RANBP3L: variants seen among roughly 807,000 people sequenced by gnomAD.
RANBP3L encodes ran-binding protein 3-like.
A neutral mutation model predicts 67.2 loss-of-function variants in RANBP3L; 56 were observed. The observed-to-expected ratio is 0.83, with a 90% CI of 0.67 to 1.04. The LOEUF (loss-of-function observed/expected upper bound fraction) is 1.04, where lower values mean the gene tolerates loss of function less well. Ranked by LOEUF, RANBP3L falls within the 50% of genes least tolerant of loss-of-function variation. The probability of loss-of-function intolerance (pLI) is 0.00; values close to 1 mark genes in which losing one functional copy is unlikely to be tolerated. For synonymous variants in RANBP3L, 164 were observed against 181.4 expected, an observed-to-expected ratio of 0.90 and a Z score of 0.77; for missense variants, 496 against 535.5, an observed-to-expected ratio of 0.93 and a Z score of 0.73.
intron 4 of RANBP3L, among the ~76,000 whole-genome samples, chr5:36,267,695 G>A (rs1419071135): frequency 6.6e-6 from 1 of 152,084 alleles, no homozygotes; most frequent in Non-Finnish European, 1.5e-5. Flanking sequence ...TGGAGAAAAT[G>A]CCAACCATTT....
chr5:36,299,234 C>T (rs1329465703), intron 1 of RANBP3L, among the ~76,000 whole-genome samples: 11 of 151,874 alleles, frequency 7.2e-5, no homozygotes, highest in Non-Finnish European at 1.3e-4. Flanking sequence ...TATTGTGGGA[C>T]CTTGTGACTG....
intron 1 of RANBP3L, among the ~76,000 whole-genome samples, chr5:36,298,067 G>A (rs1752352949): frequency 6.6e-6 from 1 of 151,950 alleles, no homozygotes; most frequent in Admixed American, 6.6e-5. Flanking sequence ...TTGGGAGGCC[G>A]AGGTGGGAAG....
intron 8 of RANBP3L, among the ~76,000 whole-genome samples, chr5:36,260,028 T>G (rs6875525): frequency 0.046 from 7,071 of 152,142 alleles, 545 homozygotes; most frequent in African/African-American, 0.16. Flanking sequence ...GTTATAATAA[T>G]GCTTTTTGAT....
At chr5:36,251,218 C>A (rs1748565402) in intron 13 of RANBP3L, 95 bp downstream of exon 13, 1 of 995,820 alleles carries the variant, frequency 1.0e-6, no homozygotes, top group Non-Finnish European at 1.4e-6. Flanking sequence ...TTAAACAGAG[C>A]AGTTCCACTT....
intron 1 of RANBP3L, among the ~76,000 whole-genome samples, chr5:36,293,775 T>A (rs1751982539): frequency 6.7e-6 from 1 of 148,552 alleles, no homozygotes; most frequent in East Asian, 1.9e-4. Context: ...TGGATAAGCT[T>A]TTTGATATGC....
chr5:36,299,330 C>CGTATATCTGT (rs1561152882), intron 1 of RANBP3L, among the ~76,000 whole-genome samples: 1 of 131,396 alleles, frequency 7.6e-6, no homozygotes, highest in East Asian at 2.3e-4. Context: ...TATACACATA[C>CGTATATCTGT]ATATATGTGT....
chr5:36,266,603 G>A (rs1295180), intron 4 of RANBP3L, among the ~76,000 whole-genome samples: 1 of 152,104 alleles, frequency 6.6e-6, no homozygotes, highest in East Asian at 1.9e-4. Flanking sequence ...AAAACAGAAT[G>A]ATAATCTTTC....
chr5:36,257,452 A>T lies in RANBP3L; in HGVS notation c.772+2T>A. The T allele has an allele frequency of 7.0e-7, 1 of 1,431,512 alleles. No individual in the cohort carries two copies. 88.7% of individuals were successfully genotyped at this position (1,431,512 alleles called of 1,614,324 possible). Reference sequence around the variant, plus strand: ...ATGTTTTACAAATGAAAGAATTCTTACTTGAACTTAAAAAGTTGACAGGAA... The same window carrying T: ...ATGTTTTACAAATGAAAGAATTCTTTCTTGAACTTAAAAAGTTGACAGGAA... On this transcript the variant is annotated splice_donor_variant, in intron 9 of 13. Transcript: ENST00000296604. LOFTEE classifies it high-confidence loss of function.
chr5:36,294,677 T>C (rs113872500), intron 1 of RANBP3L, among the ~76,000 whole-genome samples: 1 of 151,606 alleles, frequency 6.6e-6, no homozygotes, highest in Non-Finnish European at 1.5e-5. Flanking sequence ...CTCAGGTTCA[T>C]CCATGTTTTA....
chr5:36,278,879 A>G (rs1055868747), intron 1 of RANBP3L, among the ~76,000 whole-genome samples: 2 of 152,198 alleles, frequency 1.3e-5, no homozygotes, highest in Non-Finnish European at 2.9e-5. Flanking sequence ...TAACTTATTT[A>G]CATGAACAAA....
intron 1 of RANBP3L, among the ~76,000 whole-genome samples, chr5:36,275,233 C>G (rs1333217683): frequency 6.6e-6 from 1 of 152,170 alleles, no homozygotes; most frequent in East Asian, 1.9e-4. Context: ...TATCCATCAT[C>G]TGGTCTAAAT....
intron 4 of RANBP3L, among the ~76,000 whole-genome samples, chr5:36,266,421 A>G (rs573508124): frequency 6.6e-5 from 10 of 152,340 alleles, no homozygotes; most frequent in Admixed American, 6.5e-4. Context: ...AAATGAGAAA[A>G]GAATAATTGC....
At chr5:36,286,476 A>G (rs746437736) in intron 1 of RANBP3L, among the ~76,000 whole-genome samples, 5 of 152,124 alleles carry the variant, frequency 3.3e-5, no homozygotes, top group Non-Finnish European at 7.4e-5. Context: ...TCCCTCCAAC[A>G]CAGTCATTCT....
chr5:36,290,690 A>G (rs903829484), intron 1 of RANBP3L, among the ~76,000 whole-genome samples: 3 of 149,854 alleles, frequency 2.0e-5, no homozygotes, highest in Non-Finnish European at 4.4e-5. Context: ...GTCCAACTTC[A>G]AAAGTGTAAT....
At chr5:36,285,898 T>C (rs576995132) in intron 1 of RANBP3L, among the ~76,000 whole-genome samples, 1 of 152,304 alleles carries the variant, frequency 6.6e-6, no homozygotes, top group South Asian at 2.1e-4. Flanking sequence ...TTGCTAGTCT[T>C]ACACAACCTG....
At chr5:36,288,853 T>C (rs1159912450) in intron 1 of RANBP3L, among the ~76,000 whole-genome samples, 2 of 152,164 alleles carry the variant, frequency 1.3e-5, no homozygotes, top group Non-Finnish European at 2.9e-5. Context: ...CATATTCTGA[T>C]TGAAAGTTCT....
chr5:36,269,187 T>C (rs564977632), intron 4 of RANBP3L, among the ~76,000 whole-genome samples: 2 of 152,336 alleles, frequency 1.3e-5, no homozygotes, highest in East Asian at 1.9e-4. Flanking sequence ...GTCCTTTTGG[T>C]ATTTTTTCCA....
chr5:36,251,330 A>G lies in RANBP3L; in HGVS notation c.1337T>C (p.Val446Ala), dbSNP rs145254521. ...CDENEDDFIQ[V>A]TKNGSDPSSW... ...CTATTTACCTGATCCATTTTTAGTG[A>G]CTTGGATGAAATCATCCTCATTCTC... Residue 446 changes from valine (V) to alanine (A), a missense_variant, in exon 13 of 14, where the codon GTC becomes GCC. By Grantham distance (64) the Val-to-Ala change is moderately conservative. Transcript: ENST00000296604. 6.2e-7 allele frequency: 1 copy of G among 1,611,920 alleles called. No homozygotes were observed. Among genetic ancestry groups the G allele is most frequent in the African/African-American group, 1.3e-5 (1 of 74,948 alleles).
intron 1 of RANBP3L, among the ~76,000 whole-genome samples, chr5:36,277,124 A>G (rs1302939715): frequency 6.6e-6 from 1 of 152,206 alleles, no homozygotes; most frequent in Non-Finnish European, 1.5e-5. Context: ...GACTGGAATT[A>G]TCCACTTGAA....
Sources: gnomAD v4.1 joint callset for allele counts (sites outside exome capture counted in the v4.1 genomes callset) on GRCh38, gnomAD v4.1.1 for gene constraint, MANE v1.5 for transcripts, NCBI Gene and HGNC (gene_info 2026-07-23, HGNC 2026-07-21) for gene names.